RUNX2: variants seen among roughly 807,000 people sequenced by gnomAD.
RUNX2 encodes runt-related transcription factor 2.
RUNX2 carries 10 observed loss-of-function variants against 51.7 expected under a neutral mutation model. The observed-to-expected ratio is 0.19, with a 90% confidence interval of 0.12 to 0.33. The LOEUF (loss-of-function observed/expected upper bound fraction) is 0.33, where lower values mean the gene tolerates loss of function less well. Among genes scored for constraint, RUNX2 ranks in the 10% least tolerant of loss-of-function variants. The probability of loss-of-function intolerance (pLI) is 1.00; values close to 1 mark genes in which losing one functional copy is unlikely to be tolerated. For missense variants in RUNX2, 562 were observed against 691.3 expected (o/e 0.81, Z 2.10); for synonymous variants, 276 against 273.6 (o/e 1.01, Z -0.09).
intron 7 of RUNX2, among the ~76,000 whole-genome samples, chr6:45,526,351 G>A (rs562440214): frequency 6.6e-6 from 1 of 152,240 alleles, no homozygotes; most frequent in East Asian, 1.9e-4. Context: ...TAATTTATTT[G>A]TTAACCCTCT....
intron 4 of RUNX2, among the ~76,000 whole-genome samples, chr6:45,433,968 C>G (rs1798613429): frequency 6.6e-6 from 1 of 152,162 alleles, no homozygotes; most frequent in African/African-American, 2.4e-5. Context: ...GGTGGAGGAT[C>G]TGAAATGCTA....
chr6:45,438,730 A>G (rs1439374120), intron 5 of RUNX2, among the ~76,000 whole-genome samples: 2 of 152,172 alleles, frequency 1.3e-5, no homozygotes, highest in African/African-American at 2.4e-5. Context: ...GCCAATATGT[A>G]TGTTCCTTCT....
intron 4 of RUNX2, among the ~76,000 whole-genome samples, chr6:45,437,068 G>A (rs904138940): frequency 2.0e-5 from 3 of 152,194 alleles, no homozygotes; most frequent in African/African-American, 7.2e-5. Context: ...GTAAGTCTGT[G>A]CAACAGAGAA....
intron 2 of RUNX2, among the ~76,000 whole-genome samples, chr6:45,407,532 A>C (rs1338552789): frequency 6.6e-6 from 1 of 151,926 alleles, no homozygotes; most frequent in East Asian, 1.9e-4. Flanking sequence ...CCCTCTGTCC[A>C]CCAGGCTGGA....
chr6:45,448,412 T>A (rs922482255), intron 5 of RUNX2, among the ~76,000 whole-genome samples: 11 of 152,158 alleles, frequency 7.2e-5, no homozygotes, highest in African/African-American at 2.7e-4. Context: ...AAGAGCTGTC[T>A]TTTGTAGGGT....
At chr6:45,529,411 G>T (rs1322878336) in intron 7 of RUNX2, among the ~76,000 whole-genome samples, 1 of 152,088 alleles carries the variant, frequency 6.6e-6, no homozygotes, top group Non-Finnish European at 1.5e-5. Flanking sequence ...ACAGTTCAAA[G>T]GGTGTCAGCA....
At chr6:45,423,465 C>T (rs1257022948) in intron 3 of RUNX2, among the ~76,000 whole-genome samples, 1 of 152,152 alleles carries the variant, frequency 6.6e-6, no homozygotes, top group Non-Finnish European at 1.5e-5. Context: ...CGCTCTCACC[C>T]GCTTCCCTCA....
At chr6:45,481,943 C>A (rs1800128912) in intron 5 of RUNX2, among the ~76,000 whole-genome samples, 1 of 152,108 alleles carries the variant, frequency 6.6e-6, no homozygotes, top group African/African-American at 2.4e-5. Context: ...TATAATTTTA[C>A]TTTGAATTGG....
intron 5 of RUNX2, among the ~76,000 whole-genome samples, chr6:45,455,718 G>A (rs967775004): frequency 1.3e-5 from 2 of 152,154 alleles, no homozygotes; most frequent in Non-Finnish European, 2.9e-5. Context: ...AGAGACTCCC[G>A]TGACAATCAG....
At chr6:45,442,330 C>T (rs1268572430) in intron 5 of RUNX2, among the ~76,000 whole-genome samples, 1 of 152,200 alleles carries the variant, frequency 6.6e-6, no homozygotes, top group Non-Finnish European at 1.5e-5. Flanking sequence ...GGCAAGCTAG[C>T]TCTGAAGAAC....
intron 7 of RUNX2, among the ~76,000 whole-genome samples, chr6:45,518,509 A>G (rs1801401198): frequency 6.6e-6 from 1 of 152,038 alleles, no homozygotes; most frequent in African/African-American, 2.4e-5. Flanking sequence ...TTCCTACTAG[A>G]TCAGTTGGAG....
chr6:45,504,068 G>A lies in RUNX2; in HGVS notation c.860-8178G>A, dbSNP rs575026701. Among the ~76,000 whole-genome samples, 8 of 151,978 alleles carry A rather than the reference G, an allele frequency of 5.3e-5. No individual in the cohort carries two copies. In the South Asian group the frequency reaches 1.0e-3, roughly 20 times the overall value. ...ATTTCATTTTTAGACTCTGTCACTC[G>A]GGTCTGTCTCCTGCTGGATGATTCT... On this transcript the variant is annotated intron_variant, in intron 6 of 8. Coordinates refer to ENST00000647337, the MANE Select transcript of RUNX2 (RefSeq NM_001024630.4).
intron 7 of RUNX2, among the ~76,000 whole-genome samples, chr6:45,522,974 ACAAAAT>A (rs1801554164): frequency 6.6e-6 from 1 of 152,240 alleles, no homozygotes; most frequent in Admixed American, 6.5e-5. Flanking sequence ...AGCAACTCTG[ACAAAAT>A]CAAACAACGT....
chr6:45,547,376 G>T lies in RUNX2; in HGVS notation c.*71G>T. 7.6e-6 allele frequency: 9 copies of T among 1,178,360 alleles called. No individual in the cohort carries two copies. The highest frequency in any genetic ancestry group is 1.1e-5 in the Non-Finnish European group (9 of 787,940). 73.0% of individuals were successfully genotyped at this position (1,178,360 alleles called of 1,614,324 possible). A position where few individuals can be genotyped will look rare whatever the true frequency, so the allele number is the denominator to read the frequency against. ...ACGTATCAATATATACATATATAGA[G>T]AGAGTGCATATATATGTATATCGAT... On this transcript the variant is annotated 3_prime_UTR_variant, in exon 9 of 9. Coordinates refer to ENST00000647337, the MANE Select transcript of RUNX2 (RefSeq NM_001024630.4).
chr6:45,466,575 G>A (rs1302797963), intron 5 of RUNX2, among the ~76,000 whole-genome samples: 1 of 152,232 alleles, frequency 6.6e-6, no homozygotes, highest in Admixed American at 6.5e-5. Flanking sequence ...AAGAAGGGTG[G>A]CCAGGATGGC....
intron 5 of RUNX2, among the ~76,000 whole-genome samples, chr6:45,450,936 CT>C (rs1395382419): frequency 2.6e-5 from 4 of 152,272 alleles, no homozygotes; most frequent in Admixed American, 2.6e-4. Context: ...CAAAAGGACT[CT>C]TCATGTTCAT....
At chr6:45,439,705 G>T (rs1355494288) in intron 5 of RUNX2, among the ~76,000 whole-genome samples, 1 of 152,026 alleles carries the variant, frequency 6.6e-6, no homozygotes, top group Admixed American at 6.6e-5. Context: ...GTATGTTTGT[G>T]TGTGTATATG....
intron 2 of RUNX2, among the ~76,000 whole-genome samples, chr6:45,387,725 T>C (rs556981250): frequency 3.0e-4 from 46 of 152,188 alleles, no homozygotes; most frequent in Non-Finnish European, 5.4e-4. Context: ...ACACAGTCAA[T>C]GGGAGGAGGA....
chr6:45,396,706 C>G (rs1414412318), intron 2 of RUNX2, among the ~76,000 whole-genome samples: 1 of 152,168 alleles, frequency 6.6e-6, no homozygotes, highest in East Asian at 1.9e-4. Flanking sequence ...GTACCCATCC[C>G]ACTAATCTTC....
Sources: gnomAD v4.1 joint callset for allele counts (sites outside exome capture counted in the v4.1 genomes callset) on GRCh38, gnomAD v4.1.1 for gene constraint, MANE v1.5 for transcripts, NCBI Gene and HGNC (gene_info 2026-07-23, HGNC 2026-07-21) for gene names.